The following ASXL2 variants were observed in gnomAD, a reference collection of about 807,000 sequenced individuals.
ASXL2 encodes the protein ASXL transcriptional regulator 2, also known as putative Polycomb group protein ASXL2.
In ASXL2, 23 loss-of-function variants were observed where a neutral mutation model predicts 122.0. That is an observed-to-expected ratio of 0.19 (90% CI 0.14 to 0.27). The LOEUF (loss-of-function observed/expected upper bound fraction) is 0.27. Ranked by LOEUF, ASXL2 falls within the 10% of genes least tolerant of loss-of-function variation. The pLI is 1.00. For missense variants in ASXL2, 1,518 were observed against 1,713.8 expected (o/e 0.89, Z 2.02); for synonymous variants, 650 against 637.0 (o/e 1.02, Z -0.31).
At chr2:25,841,386 T>C (rs531452923) in intron 2 of ASXL2, among the ~76,000 whole-genome samples, 4 of 152,170 alleles carry the variant, frequency 2.6e-5, no homozygotes, top group Non-Finnish European at 5.9e-5. Context: ...TAATACCTCA[T>C]ATATTCATTA....
chr2:25,828,863 A>C (rs1473191551), intron 3 of ASXL2, among the ~76,000 whole-genome samples: 3 of 148,948 alleles, frequency 2.0e-5, no homozygotes, highest in African/African-American at 7.4e-5. Context: ...AACCTTGTCC[A>C]ATCTCCTGAG....
At chr2:25,815,662 T>C (rs1299762821) in intron 3 of ASXL2, among the ~76,000 whole-genome samples, 1 of 152,172 alleles carries the variant, frequency 6.6e-6, no homozygotes, top group Non-Finnish European at 1.5e-5. Context: ...TGAGCAGTCA[T>C]CTTGCAATTA....
chr2:25,834,008 C>A (rs1044343619), intron 3 of ASXL2, among the ~76,000 whole-genome samples: 1 of 152,126 alleles, frequency 6.6e-6, no homozygotes, highest in African/African-American at 2.4e-5. Flanking sequence ...TTAAATAAAT[C>A]TTGTTTTGCT....
intron 1 of ASXL2, among the ~76,000 whole-genome samples, chr2:25,871,710 G>A (rs780319957): frequency 1.3e-5 from 2 of 152,202 alleles, no homozygotes; most frequent in Non-Finnish European, 2.9e-5. Flanking sequence ...TCCTGCCTCA[G>A]CCTCCTGAGT....
In ASXL2 at chr2:25,749,772, T is replaced by C. The variant is rs1321914129; in HGVS notation, c.1784A>G (p.Gln595Arg). ...GGGCTGTGGTGAGACCTGAAATGGC[T>C]GCTGGTGCTGGCGATTCTCAGTGAC... Reference protein sequence around the residue: ...PRVTENRQHQQPFQVSPQPFL... With the variant: ...PRVTENRQHQRPFQVSPQPFL... The change falls in exon 12 of 13, where the codon CAG becomes CGG. Residue 595 changes from glutamine to arginine, a missense_variant. This residue lies in a region of ASXL2 where 292 missense variants were observed against 293.5 expected (regional missense o/e 1.00). Coordinates refer to ENST00000435504, the MANE Select transcript of ASXL2 (RefSeq NM_018263.6). The C allele has an allele frequency of 6.3e-7, 1 of 1,598,330 alleles. No homozygotes were observed. The highest frequency in any genetic ancestry group is 1.8e-5 in the Admixed American group (1 of 55,942).
At chr2:25,836,489 A>G (rs992291182) in intron 2 of ASXL2, among the ~76,000 whole-genome samples, 3 of 139,348 alleles carry the variant, frequency 2.2e-5, no homozygotes, top group African/African-American at 5.7e-5. Flanking sequence ...GAGATATGGG[A>G]AAAAAAATAG....
intron 2 of ASXL2, among the ~76,000 whole-genome samples, chr2:25,840,495 G>A (rs1391162434): frequency 6.6e-6 from 1 of 152,192 alleles, no homozygotes; most frequent in African/African-American, 2.4e-5. Flanking sequence ...GTCTCTAACA[G>A]AAATTCTGTA....
intron 5 of ASXL2, among the ~76,000 whole-genome samples, chr2:25,789,755 G>GA (rs1275873255): frequency 4.6e-5 from 7 of 152,022 alleles, no homozygotes; most frequent in African/African-American, 1.7e-4. Context: ...TTCAAAATCT[G>GA]AAAAAATCCA....
chr2:25,846,910 A>C (rs1369122285), intron 1 of ASXL2, among the ~76,000 whole-genome samples: 1 of 152,216 alleles, frequency 6.6e-6, no homozygotes, highest in East Asian at 1.9e-4. Flanking sequence ...TATATACAAC[A>C]ATAAACCCAA....
intron 5 of ASXL2, among the ~76,000 whole-genome samples, chr2:25,795,371 G>A (rs937085682): frequency 2.0e-5 from 3 of 152,198 alleles, no homozygotes; most frequent in Non-Finnish European, 4.4e-5. Flanking sequence ...ATTATGCAGA[G>A]TGTGGAGCAA....
At chr2:25,823,940 T>C (rs980965751) in intron 3 of ASXL2, among the ~76,000 whole-genome samples, 5 of 152,162 alleles carry the variant, frequency 3.3e-5, no homozygotes, top group African/African-American at 1.2e-4. Context: ...TTGGGATTAT[T>C]TCTCTGTTTG....
At chr2:25,813,213 A>G (rs2089193471) in intron 3 of ASXL2, among the ~76,000 whole-genome samples, 2 of 152,252 alleles carry the variant, frequency 1.3e-5, no homozygotes, top group East Asian at 3.8e-4. Flanking sequence ...AGAATCTAAT[A>G]GAGAAGATAG....
chr2:25,849,452 CAAA>C (rs34833277), intron 1 of ASXL2, among the ~76,000 whole-genome samples: 12 of 70,628 alleles, frequency 1.7e-4, no homozygotes, highest in Admixed American at 3.2e-4. Context: ...GACTCTGACT[CAAA>C]AAAAAAAAAA....
At position 25,735,812 on chromosome 2, in the gene ASXL2, C is replaced by T. The variant is rs1206259083; in HGVS notation, c.*6217G>A. ...AAAAAGGTGCATTTTATTAATATGG[C>T]TCCTCATTTCCACACTTTTTTCATC... On this transcript the variant is annotated 3_prime_UTR_variant, in exon 13 of 13. Transcript: ENST00000435504. The T allele has an allele frequency of 1.3e-5, 2 of 152,142 alleles. No homozygotes were observed. Among genetic ancestry groups the T allele is most frequent in the African/African-American group, 4.8e-5 (2 of 41,432 alleles). 9.4% of individuals were successfully genotyped at this position (152,142 alleles called of 1,614,324 possible). A position where few individuals can be genotyped will look rare whatever the true frequency, so the allele number is the denominator to read the frequency against.
intron 3 of ASXL2, among the ~76,000 whole-genome samples, chr2:25,835,075 C>A (rs553328719): frequency 6.9e-6 from 1 of 144,860 alleles, no homozygotes; most frequent in Non-Finnish European, 1.5e-5. Context: ...CCACCCACCT[C>A]GGCCTCTCAA....
At chr2:25,747,598 A>G (rs9751006) in intron 12 of ASXL2, among the ~76,000 whole-genome samples, 5,681 of 152,290 alleles carry the variant, frequency 0.037, 146 homozygotes, top group Non-Finnish European at 0.056. Flanking sequence ...CAGAAAGCAG[A>G]CAGAATATGA....
rs1217438555 is a variant in ASXL2 at position 25,741,431 on chromosome 2, CT to C, written c.*597del. The C allele has an allele frequency of 4.4e-6, 1 of 229,150 alleles. No individual in the cohort carries two copies. Among genetic ancestry groups the C allele is most frequent in the African/African-American group, 2.2e-5 (1 of 45,036 alleles). 14.2% of individuals were successfully genotyped at this position (229,150 alleles called of 1,614,324 possible). ...GGGCTTTCAGAGTCTGAAACACTACCTGTGAAATGAATTCCTTACCAAAAAT... is the reference window on the plus strand; with the variant it reads ...GGGCTTTCAGAGTCTGAAACACTACCGTGAAATGAATTCCTTACCAAAAAT... On this transcript the variant is annotated 3_prime_UTR_variant, in exon 13 of 13. Coordinates refer to ENST00000435504, the MANE Select transcript of ASXL2 (RefSeq NM_018263.6).
Position 25,744,288 on chromosome 2 carries a change from G to GGCTGCAGCAGCTGCGGCGGCAGCGGCA in ASXL2, c.2022_2048dup (p.Ala676_Ala684dup). The stretch of plus-strand genomic sequence containing the variant: ...CTGGAATGGTCCCTCCAACTGAGGC[G>GGCTGCAGCAGCTGCGGCGGCAGCGGCA]GCTGCAGCAGCTGCGGCGGCAGCGG... On this transcript the variant is annotated inframe_insertion, in exon 13 of 13. Coordinates refer to ENST00000435504, the MANE Select transcript of ASXL2 (RefSeq NM_018263.6). The surrounding 1 kb of genome is among the most constrained non-coding windows in gnomAD (Gnocchi z 4.7). The GGCTGCAGCAGCTGCGGCGGCAGCGGCA allele has an allele frequency of 6.2e-7, 1 of 1,611,816 alleles. No individual in the cohort carries two copies. The highest frequency in any genetic ancestry group is 8.5e-7 in the Non-Finnish European group (1 of 1,179,346).
At chr2:25,844,732 C>T (rs1383228065) in intron 2 of ASXL2, among the ~76,000 whole-genome samples, 4 of 151,874 alleles carry the variant, frequency 2.6e-5, no homozygotes, top group Admixed American at 6.6e-5. Context: ...TCTGCAGCCT[C>T]GAACTCCTGG....
Sources: allele counts gnomAD v4.1 joint callset (sites outside exome capture counted in the v4.1 genomes callset), GRCh38; gene constraint gnomAD v4.1.1; regional missense constraint gnomAD v4.1.1; non-coding constraint Gnocchi (gnomAD v3.1); transcripts MANE v1.5; gene names NCBI Gene and HGNC (gene_info 2026-07-23, HGNC 2026-07-21).